THSD7B: variants seen among roughly 807,000 people sequenced by gnomAD.
THSD7B encodes the protein thrombospondin type-1 domain-containing protein 7B.
A neutral mutation model predicts 213.6 loss-of-function variants in THSD7B; 138 were observed. The observed-to-expected ratio is 0.65, with a 90% CI of 0.56 to 0.74. THSD7B has a LOEUF of 0.74. Ranked by LOEUF, THSD7B falls within the 30% of genes least tolerant of loss-of-function variation. The pLI is 0.00. For synonymous variants in THSD7B, 742 were observed against 687.0 expected (o/e 1.08, Z -1.25); for missense variants, 1,931 against 1,991.5 (o/e 0.97, Z 0.58).
intron 14 of THSD7B, among the ~76,000 whole-genome samples, chr2:137,422,070 G>T (rs1686940903): frequency 6.6e-6 from 1 of 152,120 alleles, no homozygotes; most frequent in South Asian, 2.1e-4. Context: ...AAGTGCAAGT[G>T]AAAAACAATT....
chr2:137,503,898 G>A (rs530566681), intron 15 of THSD7B, among the ~76,000 whole-genome samples: 11 of 152,020 alleles, frequency 7.2e-5, no homozygotes, highest in Admixed American at 4.6e-4. Flanking sequence ...GGTGGAATGC[G>A]CCTATAGTCC....
intron 2 of THSD7B, among the ~76,000 whole-genome samples, chr2:136,967,172 C>A (rs1041607064): frequency 1.1e-4 from 16 of 152,224 alleles, no homozygotes; most frequent in African/African-American, 3.9e-4. Context: ...ATAATTGCCA[C>A]AAAATTAAAT....
At chr2:137,461,372 AC>A (rs1264250722) in intron 15 of THSD7B, among the ~76,000 whole-genome samples, 1 of 152,094 alleles carries the variant, frequency 6.6e-6, no homozygotes, top group East Asian at 1.9e-4. Flanking sequence ...TTAACATATG[AC>A]CTGACACCCT....
chr2:137,020,268 G>A (rs1686417982), intron 2 of THSD7B, among the ~76,000 whole-genome samples: 1 of 152,186 alleles, frequency 6.6e-6, no homozygotes, highest in Admixed American at 6.5e-5. Flanking sequence ...ACTGTGTTCT[G>A]AGGGAAGCAA....
intron 12 of THSD7B, among the ~76,000 whole-genome samples, chr2:137,403,325 A>G (rs1381922232): frequency 6.6e-6 from 1 of 152,234 alleles, no homozygotes; most frequent in African/African-American, 2.4e-5. Flanking sequence ...TCAGACAGAC[A>G]TATTATCTGA....
intron 12 of THSD7B, among the ~76,000 whole-genome samples, chr2:137,333,186 C>G (rs1397030805): frequency 2.0e-5 from 3 of 152,042 alleles, no homozygotes; most frequent in Non-Finnish European, 4.4e-5. Context: ...ACGTCTAACC[C>G]CCTTCATCCC....
chr2:137,318,185 C>A (rs187388895), intron 12 of THSD7B, among the ~76,000 whole-genome samples: 1 of 152,274 alleles, frequency 6.6e-6, no homozygotes, highest in East Asian at 1.9e-4. Context: ...ATGATTAAAT[C>A]TGGAGACTCA....
intron 2 of THSD7B, among the ~76,000 whole-genome samples, chr2:137,005,087 T>G (rs1469513059): frequency 2.0e-5 from 3 of 152,240 alleles, no homozygotes; most frequent in African/African-American, 7.2e-5. Flanking sequence ...AATATGTATA[T>G]GCACTATGTA....
intron 5 of THSD7B, among the ~76,000 whole-genome samples, chr2:137,156,464 CCTGGGGAAAT>C (rs1384762348): frequency 6.6e-6 from 1 of 152,124 alleles, no homozygotes; most frequent in African/African-American, 2.4e-5. Context: ...CTTAATAGTC[CCTGGGGAAAT>C]CCCTCCCTGT....
intron 7 of THSD7B, among the ~76,000 whole-genome samples, chr2:137,178,364 A>G (rs1680397395): frequency 6.6e-6 from 1 of 152,180 alleles, no homozygotes; most frequent in Non-Finnish European, 1.5e-5. Context: ...ACCAACTGGT[A>G]GCAGTTTGGT....
intron 15 of THSD7B, among the ~76,000 whole-genome samples, chr2:137,558,386 C>G (rs1194082000): frequency 1.3e-5 from 2 of 152,158 alleles, no homozygotes; most frequent in Non-Finnish European, 1.5e-5. Context: ...GGCTTCATCC[C>G]TGGGATGCAA....
intron 2 of THSD7B, among the ~76,000 whole-genome samples, chr2:136,972,285 A>G (rs530155806): frequency 1.3e-5 from 2 of 152,178 alleles, no homozygotes; most frequent in Non-Finnish European, 2.9e-5. Context: ...TCCTAACATG[A>G]TGAATTAAGA....
intron 12 of THSD7B, among the ~76,000 whole-genome samples, chr2:137,369,528 A>T (rs2104947552): frequency 6.6e-6 from 1 of 152,294 alleles, no homozygotes; most frequent in South Asian, 2.1e-4. Context: ...ATTAAATCCA[A>T]GATTATATTT....
chr2:137,448,723 C>T (rs567647413), intron 14 of THSD7B, among the ~76,000 whole-genome samples: 5 of 152,078 alleles, frequency 3.3e-5, no homozygotes, highest in South Asian at 2.1e-4. Flanking sequence ...GGCGTGAACC[C>T]GGGAGTCAGA....
At chr2:137,248,792 T>G (rs1234180169) in intron 10 of THSD7B, among the ~76,000 whole-genome samples, 1 of 152,238 alleles carries the variant, frequency 6.6e-6, no homozygotes. Flanking sequence ...TTCAAGGCAC[T>G]TTAACACCTT....
intron 17 of THSD7B, among the ~76,000 whole-genome samples, chr2:137,605,716 T>TGG (rs1303991283): frequency 3.0e-5 from 4 of 131,904 alleles, no homozygotes; most frequent in Admixed American, 1.8e-4. Flanking sequence ...GTCGCCAGGC[T>TGG]GGAGTGCAGT....
In THSD7B at chr2:137,251,463, G is replaced by A. The variant is rs543019573; in HGVS notation, c.2266+8891G>A. 4.3e-3 allele frequency among the ~76,000 whole-genome samples: 649 copies of A among 152,252 alleles called. 5 individuals carry two copies. Among genetic ancestry groups the A allele is most frequent in the African/African-American group, 0.014 (576 of 41,536 alleles). ...CCTATTGAATTGCTAATTTCTTAAA[G>A]TCATTTCCCACTCGTGCTTCAAAGT... is the stretch of plus-strand genomic sequence containing the variant. On this transcript the variant is annotated intron_variant, in intron 10 of 27. Coordinates refer to ENST00000409968, the MANE Select transcript of THSD7B (RefSeq NM_001316349.2).
chr2:137,098,879 C>T (rs1053972017), intron 4 of THSD7B, among the ~76,000 whole-genome samples: 4 of 152,082 alleles, frequency 2.6e-5, no homozygotes, highest in Non-Finnish European at 5.9e-5. Context: ...GTAGTTGCTT[C>T]GGAGCAACTA....
chr2:137,012,654 C>T (rs1338632591), intron 2 of THSD7B, among the ~76,000 whole-genome samples: 1 of 152,168 alleles, frequency 6.6e-6, no homozygotes, highest in East Asian at 1.9e-4. Context: ...GAGAACCAAA[C>T]TCGAGGTCCT....
Sources: gnomAD v4.1 joint callset for allele counts (sites outside exome capture counted in the v4.1 genomes callset) on GRCh38, gnomAD v4.1.1 for gene constraint, MANE v1.5 for transcripts, NCBI Gene and HGNC (gene_info 2026-07-23, HGNC 2026-07-21) for gene names.